PCLO: variants seen among roughly 807,000 people sequenced by gnomAD.
PCLO encodes the protein protein piccolo.
A neutral mutation model predicts 427.5 loss-of-function variants in PCLO; 82 were observed. The ratio of observed to expected loss-of-function variants is 0.19; its 90% CI spans 0.16 to 0.23. The LOEUF (loss-of-function observed/expected upper bound fraction) is 0.23, where lower values mean the gene tolerates loss of function less well. Ranked by LOEUF, PCLO falls within the 10% of genes least tolerant of loss-of-function variation. PCLO has a pLI of 1.00. For missense variants in PCLO, 6,239 were observed against 6,115.9 expected (o/e 1.02, Z -0.67); for synonymous variants, 2,357 against 2,155.4 (o/e 1.09, Z -2.59).
chr7:83,074,532 C>T (rs945175659), intron 3 of PCLO, among the ~76,000 whole-genome samples: 20 of 152,056 alleles, frequency 1.3e-4, no homozygotes, highest in African/African-American at 2.2e-4. Flanking sequence ...ACAGTGTCTA[C>T]TGATCTGATC....
chr7:82,889,876 T>C (rs1431910354), intron 9 of PCLO, among the ~76,000 whole-genome samples: 1 of 152,078 alleles, frequency 6.6e-6, no homozygotes, highest in African/African-American at 2.4e-5. Flanking sequence ...ATCTGAACTA[T>C]ATTACAATGT....
chr7:82,809,197 T>C (rs1212562756), intron 20 of PCLO, among the ~76,000 whole-genome samples: 1 of 151,816 alleles, frequency 6.6e-6, no homozygotes, highest in Non-Finnish European at 1.5e-5. Flanking sequence ...ATCTAATAAT[T>C]TCCACCACAT....
At chr7:83,095,947 A>G (rs1464571976) in intron 3 of PCLO, among the ~76,000 whole-genome samples, 1 of 152,056 alleles carries the variant, frequency 6.6e-6, no homozygotes, top group African/African-American at 2.4e-5. Context: ...CCTGGTTATA[A>G]AACTTACAAA....
At chr7:83,162,290 T>C (rs1584106123) in intron 1 of PCLO, 55 bp downstream of exon 1, 1 of 1,517,238 alleles carries the variant, frequency 6.6e-7, no homozygotes, top group Non-Finnish European at 8.8e-7. Context: ...CTGGCACATA[T>C]GTGCACGGGA....
intron 10 of PCLO, among the ~76,000 whole-genome samples, chr7:82,859,974 G>T (rs963710630): frequency 1.3e-5 from 2 of 151,970 alleles, no homozygotes; most frequent in East Asian, 3.9e-4. Flanking sequence ...AATTGATCAA[G>T]CAAAAGAAAG....
intron 2 of PCLO, among the ~76,000 whole-genome samples, chr7:83,148,131 C>T (rs867108649): frequency 3.0e-4 from 45 of 152,166 alleles, no homozygotes; most frequent in Admixed American, 1.0e-3. Context: ...CTCCTGGGTA[C>T]ATTCACACCC....
Position 82,894,479 on chromosome 7 carries a change from G to A in PCLO, c.13528+8172C>T, listed in dbSNP as rs183747497. Reference sequence around the variant, plus strand: ...GTGGATGGCGGAAGGCAAAGAGAGAGCTTATGCAGGGAAACTCCTCCTTAT... The same window carrying A: ...GTGGATGGCGGAAGGCAAAGAGAGAACTTATGCAGGGAAACTCCTCCTTAT... On this transcript the variant is annotated intron_variant, in intron 9 of 24. Transcript: ENST00000333891. The A allele has an allele frequency of 5.9e-5, 9 of 152,450 alleles. No homozygotes were observed. In the East Asian group the frequency reaches 7.7e-4, roughly 13 times the overall value. 9.4% of individuals were successfully genotyped at this position (152,450 alleles called of 1,614,324 possible).
chr7:82,845,835 T>A (rs1792487195), intron 12 of PCLO, among the ~76,000 whole-genome samples: 1 of 152,114 alleles, frequency 6.6e-6, no homozygotes, highest in Non-Finnish European at 1.5e-5. Flanking sequence ...TTCCTTAAAT[T>A]TTACATAGTT....
At chr7:82,846,774 C>G in intron 11 of PCLO, 140 bp from the exon 12 acceptor site, 1 of 595,584 alleles carries the variant, frequency 1.7e-6, no homozygotes, top group Non-Finnish European at 2.9e-6. Flanking sequence ...GCATGCCTAC[C>G]ATCCTAACCC....
intron 6 of PCLO, among the ~76,000 whole-genome samples, chr7:82,935,787 T>C (rs989014383): frequency 6.6e-6 from 1 of 151,624 alleles, no homozygotes; most frequent in Non-Finnish European, 1.5e-5. Context: ...TGGAGTAAGA[T>C]CATAGAAATG....
At chr7:82,981,521 A>G (rs1413146069) in intron 3 of PCLO, among the ~76,000 whole-genome samples, 1 of 152,178 alleles carries the variant, frequency 6.6e-6, no homozygotes, top group East Asian at 1.9e-4. Context: ...TAAATGACAT[A>G]TGTCAAAAAG....
chr7:82,792,555 T>G (rs1791126512), intron 22 of PCLO, among the ~76,000 whole-genome samples: 1 of 152,136 alleles, frequency 6.6e-6, no homozygotes, highest in South Asian at 2.1e-4. Flanking sequence ...CTTGAACTCT[T>G]GGACTCAAGC....
chr7:83,109,656 G>A (rs1790952891), intron 3 of PCLO, among the ~76,000 whole-genome samples: 1 of 152,004 alleles, frequency 6.6e-6, no homozygotes, highest in African/African-American at 2.4e-5. Context: ...TTGGCATGAT[G>A]CTATTGACAG....
intron 6 of PCLO, 90 bp from the exon 7 acceptor site, chr7:82,916,963 T>A: frequency 1.1e-6 from 1 of 911,876 alleles, no homozygotes; most frequent in Non-Finnish European, 1.6e-6. Flanking sequence ...ATAAAAATGA[T>A]TTCATGTATG....
chr7:83,071,587 C>T (rs1789816854), intron 3 of PCLO, among the ~76,000 whole-genome samples: 1 of 152,092 alleles, frequency 6.6e-6, no homozygotes, highest in Non-Finnish European at 1.5e-5. Flanking sequence ...CTCTGTCATT[C>T]CCTCTCCAGT....
intron 3 of PCLO, among the ~76,000 whole-genome samples, chr7:83,035,747 T>C (rs1214019073): frequency 6.6e-6 from 1 of 152,178 alleles, no homozygotes. Context: ...TACCAATTCT[T>C]ATGCTAAAAT....
intron 20 of PCLO, among the ~76,000 whole-genome samples, chr7:82,819,301 T>C (rs1309731088): frequency 6.6e-6 from 1 of 152,032 alleles, no homozygotes; most frequent in East Asian, 1.9e-4. Flanking sequence ...TTTGAGAATA[T>C]CTATTAGAAC....
At chr7:82,826,738 TTTA>T in intron 17 of PCLO, 78 bp from the exon 18 acceptor site, 1 of 836,182 alleles carries the variant, frequency 1.2e-6, no homozygotes, top group Non-Finnish European at 1.8e-6. Flanking sequence ...AGTAGACATA[TTTA>T]TTTTTTTCCT....
chr7:82,892,901 A>G lies in PCLO; in HGVS notation c.13528+9750T>C, dbSNP rs1793805858. On this transcript the variant is annotated intron_variant, in intron 9 of 24. Coordinates refer to ENST00000333891, the MANE Select transcript of PCLO (RefSeq NM_033026.6). The stretch of plus-strand genomic sequence containing the variant: ...ACCATCTCACACCAGTTAGAATGGC[A>G]ATCATTAAAAAGTCAGGAAACAACA... 2.0e-5 allele frequency among the ~76,000 whole-genome samples: 3 copies of G among 151,902 alleles called. No individual in the cohort carries two copies. In the South Asian group the frequency reaches 6.2e-4, roughly 32 times the overall value.
Sources: allele counts gnomAD v4.1 joint callset (sites outside exome capture counted in the v4.1 genomes callset), GRCh38; gene constraint gnomAD v4.1.1; transcripts MANE v1.5; gene names NCBI Gene and HGNC (gene_info 2026-07-23, HGNC 2026-07-21).